Variants in ATP2B2 observed in about 807,000 individuals in gnomAD.
The protein encoded by ATP2B2 is plasma membrane calcium-transporting ATPase 2.
ATP2B2 carries 15 observed loss-of-function variants against 120.0 expected under a neutral mutation model. The observed-to-expected ratio is 0.12, with a 90% CI of 0.08 to 0.19. The LOEUF is 0.19. ATP2B2 is among the 10% of genes least tolerant of loss of function. The pLI, the probability that ATP2B2 is intolerant of heterozygous loss-of-function variation, is 1.00. For missense variants in ATP2B2, 1,045 were observed against 1,719.8 expected (o/e 0.61, Z 6.94); for synonymous variants, 694 against 700.3 (o/e 0.99, Z 0.14).
At chr3:10,532,165 C>T (rs144763207) in intron 3 of ATP2B2, among the ~76,000 whole-genome samples, 77 of 152,290 alleles carry the variant, frequency 5.1e-4, no homozygotes, top group African/African-American at 1.8e-3. Flanking sequence ...TCACAGGGGC[C>T]CTCTGCTCAC....
chr3:10,403,128 G>A (rs1241519582), intron 3 of ATP2B2, among the ~76,000 whole-genome samples: 1 of 152,194 alleles, frequency 6.6e-6, no homozygotes, highest in African/African-American at 2.4e-5. Flanking sequence ...GGCTTCAGTG[G>A]CCTCATCTGC....
intron 1 of ATP2B2, among the ~76,000 whole-genome samples, chr3:10,474,535 A>G (rs953764240): frequency 2.0e-5 from 3 of 152,200 alleles, no homozygotes; most frequent in Non-Finnish European, 4.4e-5. Flanking sequence ...AGGAGACCGG[A>G]GCCACGCAGC....
chr3:10,510,572 C>T (rs1284265219), upstream of ATP2B2, among the ~76,000 whole-genome samples: 1 of 152,228 alleles, frequency 6.6e-6, no homozygotes, highest in African/African-American at 2.4e-5. Flanking sequence ...TGAGGGTCCA[C>T]CCTAGGCTCC....
Position 10,324,610 on chromosome 3 carries a change from GGA to G in ATP2B2, c.*4202_*4203del, listed in dbSNP as rs2059832008. On this transcript the variant is annotated 3_prime_UTR_variant, in exon 23 of 23. Coordinates refer to ENST00000360273, the MANE Select transcript of ATP2B2 (RefSeq NM_001001331.4). ...TGGTGGGATTTTGGACACAATGGCA[GGA>G]GAGAGATTTGGGTGGGAGGCTTGTC... The G allele has an allele frequency of 6.6e-6, 1 of 152,366 alleles. No individual in the cohort carries two copies. Among genetic ancestry groups the G allele is most frequent in the Non-Finnish European group, 1.5e-5 (1 of 68,074 alleles). The allele number at this position is 152,366 out of a possible 1,614,324, so 9.4% of individuals were successfully genotyped here. A position where few individuals can be genotyped will look rare whatever the true frequency, so the allele number is the denominator to read the frequency against.
Position 10,340,676 on chromosome 3 carries a change from C to T in ATP2B2, c.2946G>A (p.Gly982=). The change falls in exon 20 of 23, where the codon GGG becomes GGA. Residue 982 remains glycine, a synonymous_variant. Coordinates refer to ENST00000360273, the MANE Select transcript of ATP2B2 (RefSeq NM_001001331.4). This position sits in a 1 kb window ranked among gnomAD's most constrained non-coding sequence, Gnocchi z 5.0. ...VGEKMFQIDS[G]RNAPLHSPPS... ...GTGGCGAATGCAGGGGCGCGTTCCT[C>T]CCGCTGTCGATCTGGAACATCTTCT... 1 of 1,614,136 alleles carries T rather than the reference C, an allele frequency of 6.2e-7. No homozygotes were observed. Among genetic ancestry groups the T allele is most frequent in the Non-Finnish European group, 8.5e-7 (1 of 1,180,008 alleles).
intron 1 of ATP2B2, among the ~76,000 whole-genome samples, chr3:10,638,318 T>C (rs1038093085): frequency 7.2e-5 from 11 of 152,090 alleles, no homozygotes; most frequent in African/African-American, 2.7e-4. Flanking sequence ...TTAAAATACA[T>C]GCAAAAGTCA....
intron 1 of ATP2B2, among the ~76,000 whole-genome samples, chr3:10,470,580 C>T (rs1402826387): frequency 2.0e-5 from 3 of 152,158 alleles, no homozygotes; most frequent in Non-Finnish European, 4.4e-5. Flanking sequence ...ATGGTGGTCC[C>T]AGGATGAGCT....
At chr3:10,498,501 C>T (rs935609852) in intron 1 of ATP2B2, among the ~76,000 whole-genome samples, 2 of 152,252 alleles carry the variant, frequency 1.3e-5, no homozygotes, top group African/African-American at 2.4e-5. Flanking sequence ...CAGCATTCCC[C>T]GCCCACTGCC....
At chr3:10,587,337 T>TAC (rs147453175) in intron 2 of ATP2B2, among the ~76,000 whole-genome samples, 1 of 68,148 alleles carries the variant, frequency 1.5e-5, no homozygotes, top group Non-Finnish European at 3.2e-5. Flanking sequence ...AATATATATG[T>TAC]ATATATATAA....
intron 22 of ATP2B2, chr3:10,332,093 C>G (rs759846117): frequency 1.9e-5 from 29 of 1,490,470 alleles, no homozygotes; most frequent in East Asian, 2.5e-5. Context: ...GGGTTCCCCC[C>G]ACAAAGCAAG....
chr3:10,681,081 G>A (rs13313899), intron 1 of ATP2B2, among the ~76,000 whole-genome samples: 1,659 of 152,196 alleles, frequency 0.011, 34 homozygotes, highest in African/African-American at 0.038. Context: ...TTCACTTTCC[G>A]CCATGATCGT....
chr3:10,507,004 G>A (rs1274586433), upstream of ATP2B2, among the ~76,000 whole-genome samples: 2 of 152,232 alleles, frequency 1.3e-5, no homozygotes, highest in Admixed American at 6.5e-5. Flanking sequence ...CCACCAGTAG[G>A]CCATGCTGAG....
At chr3:10,379,194 G>A (rs377379720) in intron 9 of ATP2B2, 49 bp downstream of exon 9, 16 of 1,593,546 alleles carry the variant, frequency 1.0e-5, no homozygotes, top group African/African-American at 1.3e-5. Context: ...CAGAGCCGGT[G>A]GGGAGGGGCC....
At chr3:10,673,401 G>C (rs977834093) in intron 1 of ATP2B2, among the ~76,000 whole-genome samples, 2 of 147,830 alleles carry the variant, frequency 1.4e-5, no homozygotes, top group African/African-American at 4.9e-5. Context: ...GGAAGAGACA[G>C]AGAGAGAGAG....
chr3:10,338,855 T>G (rs1181017227), intron 21 of ATP2B2: 1 of 202,786 alleles, frequency 4.9e-6, no homozygotes. Context: ...CTGGGGTTAC[T>G]TATTCCTCTG....
At chr3:10,518,082 G>A (rs1277298418) in intron 3 of ATP2B2, among the ~76,000 whole-genome samples, 1 of 152,180 alleles carries the variant, frequency 6.6e-6, no homozygotes, top group South Asian at 2.1e-4. Flanking sequence ...ACAGCAAAAA[G>A]ATTTGCATTT....
chr3:10,611,070 C>G (rs1315852547), intron 2 of ATP2B2, among the ~76,000 whole-genome samples: 1 of 152,206 alleles, frequency 6.6e-6, no homozygotes, highest in Non-Finnish European at 1.5e-5. Flanking sequence ...AGGGGTGTCT[C>G]CATAGATCAG....
intron 12 of ATP2B2, among the ~76,000 whole-genome samples, chr3:10,364,263 G>A (rs2060979764): frequency 6.6e-6 from 1 of 152,144 alleles, no homozygotes; most frequent in African/African-American, 2.4e-5. Flanking sequence ...TGGGTACAGA[G>A]TTTTAGTTTT....
chr3:10,385,922 C>T (rs973986054), intron 7 of ATP2B2, among the ~76,000 whole-genome samples: 1 of 152,188 alleles, frequency 6.6e-6, no homozygotes, highest in Non-Finnish European at 1.5e-5. Flanking sequence ...AGATGCCCCC[C>T]AAATTTAAAA....
Sources: gnomAD v4.1 joint callset for allele counts (sites outside exome capture counted in the v4.1 genomes callset) on GRCh38, gnomAD v4.1.1 for gene constraint, Gnocchi (gnomAD v3.1) non-coding constraint, MANE v1.5 for transcripts, NCBI Gene and HGNC (gene_info 2026-07-23, HGNC 2026-07-21) for gene names.